Variants in PTPRD observed in about 807,000 individuals in gnomAD.
PTPRD encodes receptor-type tyrosine-protein phosphatase delta.
In PTPRD, 34 loss-of-function variants were observed where a neutral mutation model predicts 214.5. The observed-to-expected ratio is 0.16, with a 90% CI of 0.12 to 0.21. The LOEUF is 0.21. PTPRD is among the 10% of genes least tolerant of loss of function. PTPRD has a pLI of 1.00. For synonymous variants in PTPRD, 1,128 were observed against 845.7 expected, an observed-to-expected ratio of 1.33 and a Z score of -5.79; for missense variants, 2,545 against 2,398.7, an observed-to-expected ratio of 1.06 and a Z score of -1.27.
chr9:8,637,407 C>A (rs1463822689), intron 12 of PTPRD, among the ~76,000 whole-genome samples: 1 of 152,172 alleles, frequency 6.6e-6, no homozygotes, highest in Non-Finnish European at 1.5e-5. Flanking sequence ...ATATTGTAAG[C>A]TGTCTTACTT....
chr9:10,200,109 A>G (rs913743800), intron 3 of PTPRD, among the ~76,000 whole-genome samples: 1 of 152,028 alleles, frequency 6.6e-6, no homozygotes, highest in African/African-American at 2.4e-5. Context: ...GACGTGCAAT[A>G]TGTACTTCTG....
chr9:10,244,218 T>C (rs1162794289), intron 3 of PTPRD, among the ~76,000 whole-genome samples: 1 of 152,098 alleles, frequency 6.6e-6, no homozygotes, highest in Non-Finnish European at 1.5e-5. Flanking sequence ...AGTCATTGTA[T>C]TCTTTTACAT....
chr9:9,829,007 T>A (rs1184585282), intron 5 of PTPRD, among the ~76,000 whole-genome samples: 1 of 151,920 alleles, frequency 6.6e-6, no homozygotes, highest in East Asian at 1.9e-4. Context: ...TGAAATGAGT[T>A]GATACAAATT....
At chr9:8,749,651 T>TTTATCA (rs2093316267) in intron 11 of PTPRD, among the ~76,000 whole-genome samples, 1 of 152,248 alleles carries the variant, frequency 6.6e-6, no homozygotes, top group Admixed American at 6.5e-5. Flanking sequence ...AATGTCCTCA[T>TTTATCA]GTTATCATTG....
chr9:9,300,035 T>C (rs1161206441), intron 9 of PTPRD, among the ~76,000 whole-genome samples: 1 of 150,260 alleles, frequency 6.7e-6, no homozygotes, highest in Non-Finnish European at 1.5e-5. Flanking sequence ...TTAAATTTAC[T>C]ACTTTATGAA....
chr9:8,806,208 G>C (rs1344833706), intron 11 of PTPRD, among the ~76,000 whole-genome samples: 2 of 148,578 alleles, frequency 1.3e-5, no homozygotes, highest in African/African-American at 4.9e-5. Context: ...TACAGGCATG[G>C]AGATACTGCG....
chr9:9,565,024 G>C (rs371897173), intron 8 of PTPRD, among the ~76,000 whole-genome samples: 1 of 148,978 alleles, frequency 6.7e-6, no homozygotes, highest in East Asian at 2.0e-4. Context: ...TTATCTCAAG[G>C]TCTCCAATGT....
At chr9:9,195,421 G>T (rs1427286180) in intron 9 of PTPRD, among the ~76,000 whole-genome samples, 1 of 152,104 alleles carries the variant, frequency 6.6e-6, no homozygotes, top group African/African-American at 2.4e-5. Context: ...ATCTCGTTTA[G>T]TCTAAATACA....
rs79920588 is a variant in PTPRD, at chr9:8,320,866, A to T, written c.5535-900T>A. Among the ~76,000 whole-genome samples the T allele has an allele frequency of 2.4e-3, 359 of 152,266 alleles. 2 individuals carry two copies. The highest frequency in any genetic ancestry group is 8.2e-3 in the African/African-American group (341 of 41,572). The stretch of plus-strand genomic sequence containing the variant: ...AAAGCAATGGGAAGTTCAGATAATG[A>T]GGGAAACAGTGAATAATCTGAAAAA... On this transcript the variant is annotated intron_variant, in intron 44 of 45. Transcript: ENST00000381196.
intron 33 of PTPRD, among the ~76,000 whole-genome samples, chr9:8,458,608 A>T (rs577130304): frequency 7.2e-5 from 11 of 152,244 alleles, no homozygotes; most frequent in African/African-American, 2.6e-4. Context: ...TCTTCTGGAA[A>T]AAAGTGCAGC....
At chr9:10,498,609 A>T (rs932690149) in intron 2 of PTPRD, among the ~76,000 whole-genome samples, 5 of 151,936 alleles carry the variant, frequency 3.3e-5, no homozygotes, top group African/African-American at 1.2e-4. Flanking sequence ...CAACATTTTC[A>T]GTAATTTGAC....
intron 11 of PTPRD, among the ~76,000 whole-genome samples, chr9:8,798,614 T>A (rs929088403): frequency 1.1e-4 from 16 of 152,222 alleles, no homozygotes; most frequent in Non-Finnish European, 1.9e-4. Context: ...ACTTTTTTAC[T>A]CATCCATTCA....
At chr9:10,159,186 A>G (rs1236416958) in intron 3 of PTPRD, among the ~76,000 whole-genome samples, 7 of 152,140 alleles carry the variant, frequency 4.6e-5, no homozygotes, top group Admixed American at 1.3e-4. Flanking sequence ...GGGGAGAAAA[A>G]GGAAAAAAAG....
chr9:8,601,017 T>A (rs2094824802), intron 14 of PTPRD, among the ~76,000 whole-genome samples: 1 of 152,090 alleles, frequency 6.6e-6, no homozygotes, highest in Non-Finnish European at 1.5e-5. Flanking sequence ...GCCAAAGAGC[T>A]GATCGCCTTG....
chr9:8,951,744 T>A (rs2099103266), intron 11 of PTPRD, among the ~76,000 whole-genome samples: 1 of 152,026 alleles, frequency 6.6e-6, no homozygotes, highest in Non-Finnish European at 1.5e-5. Context: ...TTCCCAACAC[T>A]ATCACCACAG....
intron 8 of PTPRD, among the ~76,000 whole-genome samples, chr9:9,551,367 C>T (rs2154282250): frequency 6.6e-6 from 1 of 151,876 alleles, no homozygotes; most frequent in Non-Finnish European, 1.5e-5. Flanking sequence ...TGAATAATTC[C>T]AGTTATCTAT....
chr9:9,225,761 C>T (rs2099959039), intron 9 of PTPRD, among the ~76,000 whole-genome samples: 1 of 151,914 alleles, frequency 6.6e-6, no homozygotes, highest in Non-Finnish European at 1.5e-5. Flanking sequence ...GAGAATTTTG[C>T]CCAATAGAAC....
intron 9 of PTPRD, among the ~76,000 whole-genome samples, chr9:9,233,726 C>A (rs2099964664): frequency 6.6e-6 from 1 of 152,228 alleles, no homozygotes; most frequent in Non-Finnish European, 1.5e-5. Flanking sequence ...CCATGCAAGT[C>A]TGAAATCCAA....
chr9:10,597,601 A>G (rs1408425997), intron 2 of PTPRD, among the ~76,000 whole-genome samples: 1 of 151,804 alleles, frequency 6.6e-6, no homozygotes, highest in African/African-American at 2.4e-5. Context: ...ATTGGAAAAT[A>G]TTTTTAATTA....
Sources: allele counts gnomAD v4.1 joint callset (sites outside exome capture counted in the v4.1 genomes callset), GRCh38; gene constraint gnomAD v4.1.1; transcripts MANE v1.5; gene names NCBI Gene and HGNC (gene_info 2026-07-23, HGNC 2026-07-21).